GRM5: variants seen among roughly 807,000 people sequenced by gnomAD.
GRM5 encodes glutamate metabotropic receptor 5.
A neutral mutation model predicts 83.1 loss-of-function variants in GRM5; 19 were observed. The observed-to-expected ratio is 0.23, with a 90% confidence interval of 0.16 to 0.34. GRM5 has a LOEUF of 0.34. Ranked by LOEUF, GRM5 falls within the 10% of genes least tolerant of loss-of-function variation. GRM5 has a pLI of 1.00. For synonymous variants in GRM5, 675 were observed against 633.6 expected (o/e 1.07, Z -0.98); for missense variants, 1,160 against 1,588.3 (o/e 0.73, Z 4.58).
intron 2 of GRM5, among the ~76,000 whole-genome samples, chr11:88,892,573 A>G (rs1330833273): frequency 6.6e-6 from 1 of 152,052 alleles, no homozygotes. Context: ...GTATAAGGCT[A>G]AAGTTTATTC....
intron 2 of GRM5, among the ~76,000 whole-genome samples, chr11:88,987,583 G>A (rs1939771868): frequency 6.6e-6 from 1 of 152,054 alleles, no homozygotes; most frequent in Non-Finnish European, 1.5e-5. Flanking sequence ...AAAGACAGCA[G>A]TAACCTCTGC....
intron 3 of GRM5, among the ~76,000 whole-genome samples, chr11:88,761,301 C>T (rs993045118): frequency 2.0e-5 from 3 of 152,054 alleles, no homozygotes; most frequent in Non-Finnish European, 4.4e-5. Flanking sequence ...CCTAGAAAAC[C>T]CCATAGTCTT....
chr11:89,001,059 ACC>A (rs1940360120), intron 2 of GRM5, among the ~76,000 whole-genome samples: 1 of 151,848 alleles, frequency 6.6e-6, no homozygotes, highest in Non-Finnish European at 1.5e-5. Flanking sequence ...AATAAATAAA[ACC>A]ACCACCAGTC....
intron 2 of GRM5, among the ~76,000 whole-genome samples, chr11:88,851,614 A>G (rs1471571358): frequency 6.6e-6 from 1 of 152,230 alleles, no homozygotes; most frequent in African/African-American, 2.4e-5. Context: ...AGTAGGTGTC[A>G]GGATCTTAGT....
intron 3 of GRM5, among the ~76,000 whole-genome samples, chr11:88,730,707 T>C (rs981943004): frequency 2.0e-5 from 3 of 152,190 alleles, no homozygotes; most frequent in African/African-American, 4.8e-5. Context: ...GATGAGTTCA[T>C]GTCCTTTGCA....
intron 2 of GRM5, among the ~76,000 whole-genome samples, chr11:88,924,878 A>G (rs1945759297): frequency 6.6e-6 from 1 of 152,068 alleles, no homozygotes; most frequent in Non-Finnish European, 1.5e-5. Context: ...TTGCTTATCT[A>G]TAGTAAGCAT....
intron 8 of GRM5, among the ~76,000 whole-genome samples, chr11:88,558,787 G>A (rs1027489491): frequency 9.6e-6 from 1 of 103,878 alleles, no homozygotes; most frequent in Non-Finnish European, 1.8e-5. Flanking sequence ...GCAACAGAGT[G>A]AGACTCCATC....
chr11:88,898,763 AC>A (rs1945273043), intron 2 of GRM5, among the ~76,000 whole-genome samples: 1 of 151,984 alleles, frequency 6.6e-6, no homozygotes, highest in Non-Finnish European at 1.5e-5. Flanking sequence ...TCCATTCGTT[AC>A]ATTATATTTG....
chr11:88,905,254 C>T (rs756711068), intron 2 of GRM5, among the ~76,000 whole-genome samples: 2 of 152,098 alleles, frequency 1.3e-5, no homozygotes, highest in African/African-American at 2.4e-5. Flanking sequence ...GATGAGGGGT[C>T]GGAAAGCAGG....
At position 88,604,971 on chromosome 11, in the gene GRM5, G is replaced by C. The variant is rs1344623677; in HGVS notation, c.1148-7C>G. The C allele has an allele frequency of 3.2e-5, 51 of 1,609,400 alleles. No homozygotes were observed. Among genetic ancestry groups the C allele is most frequent in the Non-Finnish European group, 4.3e-5 (50 of 1,176,456 alleles). On this transcript the variant is annotated splice_region_variant and splice_polypyrimidine_tract_variant and intron_variant, in intron 4 of 9. Coordinates refer to ENST00000305447, the MANE Select transcript of GRM5 (RefSeq NM_001143831.3). The stretch of plus-strand genomic sequence containing the variant: ...GTTTTCAGAGTCAGAGAACCTGTTG[G>C]GAAACAAATTAAGCATAGCTTTGAG...
chr11:88,976,721 G>T (rs911233863), intron 2 of GRM5, among the ~76,000 whole-genome samples: 2 of 152,096 alleles, frequency 1.3e-5, no homozygotes, highest in Non-Finnish European at 2.9e-5. Context: ...AGCATCCAGA[G>T]TAAGTTTTTA....
intron 2 of GRM5, among the ~76,000 whole-genome samples, chr11:89,013,350 G>C (rs773786736): frequency 6.6e-6 from 1 of 152,110 alleles, no homozygotes; most frequent in East Asian, 1.9e-4. Context: ...ATATTAGAAA[G>C]AAACAAATAA....
intron 3 of GRM5, among the ~76,000 whole-genome samples, chr11:88,676,740 A>C (rs1221388321): frequency 6.6e-6 from 1 of 152,060 alleles, no homozygotes; most frequent in Non-Finnish European, 1.5e-5. Context: ...TATAATGAAA[A>C]TACTTTTAAA....
intron 3 of GRM5, among the ~76,000 whole-genome samples, chr11:88,813,771 A>G (rs1943624444): frequency 6.6e-6 from 1 of 152,224 alleles, no homozygotes; most frequent in Non-Finnish European, 1.5e-5. Flanking sequence ...ATAAAGATTC[A>G]TATAAAATGT....
chr11:88,652,611 T>G (rs1308470419), intron 4 of GRM5, among the ~76,000 whole-genome samples: 1 of 152,090 alleles, frequency 6.6e-6, no homozygotes, highest in African/African-American at 2.4e-5. Flanking sequence ...TCTTAGCATC[T>G]TATAAGTATT....
At chr11:88,852,785 G>T (rs1944408830) in intron 2 of GRM5, among the ~76,000 whole-genome samples, 1 of 151,990 alleles carries the variant, frequency 6.6e-6, no homozygotes, top group Admixed American at 6.6e-5. Context: ...TTTGTAAGCT[G>T]GGAGACAAAG....
chr11:88,813,566 C>G (rs983234231), intron 3 of GRM5, among the ~76,000 whole-genome samples: 5 of 152,166 alleles, frequency 3.3e-5, no homozygotes, highest in African/African-American at 9.7e-5. Flanking sequence ...GTTTTCCCAG[C>G]TTCTTCCAGT....
At chr11:88,719,695 G>A (rs999584853) in intron 3 of GRM5, among the ~76,000 whole-genome samples, 1 of 152,002 alleles carries the variant, frequency 6.6e-6, no homozygotes, top group East Asian at 1.9e-4. Context: ...GTGTATAAGG[G>A]TTCCCTTTTC....
intron 3 of GRM5, among the ~76,000 whole-genome samples, chr11:88,728,194 T>C (rs1591471318): frequency 6.6e-6 from 1 of 151,768 alleles, no homozygotes; most frequent in African/African-American, 2.4e-5. Flanking sequence ...AAAGGGGATA[T>C]CACCACTAAT....
Sources: allele counts gnomAD v4.1 joint callset (sites outside exome capture counted in the v4.1 genomes callset), GRCh38; gene constraint gnomAD v4.1.1; transcripts MANE v1.5; gene names NCBI Gene and HGNC (gene_info 2026-07-23, HGNC 2026-07-21).